Variants in NALF1 observed in about 807,000 individuals in gnomAD.
NALF1 encodes family with sequence similarity 155 member A.
Under a neutral mutation model 48.4 loss-of-function variants are expected in NALF1, and 3 were observed. The ratio of observed to expected loss-of-function variants is 0.06; its 90% CI spans 0.03 to 0.16. The LOEUF is 0.16. Among genes scored for constraint, NALF1 ranks in the 10% least tolerant of loss-of-function variants. The pLI is 1.00. For synonymous variants in NALF1, 262 were observed against 245.7 expected, an observed-to-expected ratio of 1.07 and a Z score of -0.62; for missense variants, 526 against 571.5, an observed-to-expected ratio of 0.92 and a Z score of 0.81.
intron 1 of NALF1, among the ~76,000 whole-genome samples, chr13:107,847,553 C>T (rs557794155): frequency 6.6e-6 from 1 of 152,314 alleles, no homozygotes; most frequent in East Asian, 1.9e-4. Flanking sequence ...AACATTCCCC[C>T]TTGCTGGCTT....
At chr13:107,231,058 C>CA (rs3072074) in intron 1 of NALF1, among the ~76,000 whole-genome samples, 3,592 of 82,490 alleles carry the variant, frequency 0.044, 67 homozygotes, top group Non-Finnish European at 0.054. Flanking sequence ...AAGACCCGGC[C>CA]AAAAAAAAAA....
intron 1 of NALF1, among the ~76,000 whole-genome samples, chr13:107,240,815 T>G (rs188403142): frequency 6.6e-6 from 1 of 152,210 alleles, no homozygotes; most frequent in African/African-American, 2.4e-5. Flanking sequence ...TCACCTTTTT[T>G]TTTTAAGACT....
intron 1 of NALF1, among the ~76,000 whole-genome samples, chr13:107,807,609 T>A (rs1372931407): frequency 6.6e-6 from 1 of 152,180 alleles, no homozygotes; most frequent in African/African-American, 2.4e-5. Flanking sequence ...CTCAAAATAT[T>A]TCAATGTGGT....
chr13:107,607,534 T>C (rs1336491266), intron 1 of NALF1, among the ~76,000 whole-genome samples: 1 of 152,186 alleles, frequency 6.6e-6, no homozygotes, highest in East Asian at 1.9e-4. Context: ...TTGTTGTTGT[T>C]TTTCCTTGTA....
chr13:107,551,567 A>G (rs1877294634), intron 1 of NALF1, among the ~76,000 whole-genome samples: 1 of 152,078 alleles, frequency 6.6e-6, no homozygotes, highest in Non-Finnish European at 1.5e-5. Flanking sequence ...TAAAGTTATC[A>G]TTTCTTGTGC....
At chr13:107,790,334 T>C (rs1488871619) in intron 1 of NALF1, among the ~76,000 whole-genome samples, 1 of 152,184 alleles carries the variant, frequency 6.6e-6, no homozygotes, top group East Asian at 1.9e-4. Flanking sequence ...AATTAACTCT[T>C]AAATAGGCAA....
intron 1 of NALF1, among the ~76,000 whole-genome samples, chr13:107,791,258 G>A (rs1878222663): frequency 1.3e-5 from 2 of 152,032 alleles, no homozygotes. Context: ...GCTTAAAATG[G>A]CTATGCTGTT....
chr13:107,586,912 A>G (rs1878476357), intron 1 of NALF1, among the ~76,000 whole-genome samples: 1 of 152,080 alleles, frequency 6.6e-6, no homozygotes, highest in Non-Finnish European at 1.5e-5. Flanking sequence ...TAGATTTACC[A>G]TGATTAATCT....
At chr13:107,855,222 CA>C (rs145173555) in intron 1 of NALF1, among the ~76,000 whole-genome samples, 2,246 of 152,326 alleles carry the variant, frequency 0.015, 21 homozygotes, top group African/African-American at 0.034. Flanking sequence ...CCCTGGGAAT[CA>C]AGGCCTCTCT....
At chr13:107,621,782 G>A in intron 1 of NALF1, among the ~76,000 whole-genome samples, 1 of 152,130 alleles carries the variant, frequency 6.6e-6, no homozygotes, top group South Asian at 2.1e-4. Context: ...AAGACCTAGA[G>A]GAGGCTGTGG....
intron 1 of NALF1, among the ~76,000 whole-genome samples, chr13:107,773,397 A>C (rs1316144584): frequency 6.6e-6 from 1 of 152,194 alleles, no homozygotes; most frequent in Non-Finnish European, 1.5e-5. Flanking sequence ...CTTTGTTTAA[A>C]GCTAATATAT....
chr13:107,514,833 G>T (rs1876008539), intron 1 of NALF1, among the ~76,000 whole-genome samples: 1 of 152,230 alleles, frequency 6.6e-6, no homozygotes, highest in Non-Finnish European at 1.5e-5. Context: ...TCATTGCATA[G>T]ATGACAGGAT....
At chr13:107,808,222 T>G (rs1878868068) in intron 1 of NALF1, among the ~76,000 whole-genome samples, 1 of 152,074 alleles carries the variant, frequency 6.6e-6, no homozygotes, top group Non-Finnish European at 1.5e-5. Context: ...TTGCAGAGTC[T>G]TTTGTGGCAG....
intron 1 of NALF1, among the ~76,000 whole-genome samples, chr13:107,539,805 A>G (rs1292134791): frequency 6.6e-6 from 1 of 152,112 alleles, no homozygotes; most frequent in African/African-American, 2.4e-5. Context: ...TGTCTAAATC[A>G]TAATTGGTGA....
intron 1 of NALF1, among the ~76,000 whole-genome samples, chr13:107,743,571 A>G (rs1474071057): frequency 6.6e-6 from 1 of 152,220 alleles, no homozygotes; most frequent in Non-Finnish European, 1.5e-5. Context: ...AACATGCATT[A>G]TATACACAAC....
intron 1 of NALF1, among the ~76,000 whole-genome samples, chr13:107,581,492 A>G (rs1365827180): frequency 6.6e-6 from 1 of 152,208 alleles, no homozygotes; most frequent in African/African-American, 2.4e-5. Context: ...TAAACTTCCA[A>G]AATCAATGGT....
At chr13:107,757,415 C>CTTT (rs3074821) in intron 1 of NALF1, among the ~76,000 whole-genome samples, 13,795 of 107,664 alleles carry the variant, frequency 0.13, 863 homozygotes, top group East Asian at 0.18. Context: ...GCCCTCATTT[C>CTTT]TTTTTTTTTT....
intron 1 of NALF1, among the ~76,000 whole-genome samples, chr13:107,616,404 C>T (rs1022706341): frequency 6.6e-6 from 1 of 152,134 alleles, no homozygotes; most frequent in African/African-American, 2.4e-5. Context: ...TTAACAAAGT[C>T]TAAGTGTTTG....
intron 1 of NALF1, among the ~76,000 whole-genome samples, chr13:107,237,159 A>G (rs971509564): frequency 2.0e-5 from 3 of 151,462 alleles, no homozygotes; most frequent in Admixed American, 2.0e-4. Context: ...CGTAATTTAT[A>G]TATCATAAAT....
Sources: allele counts gnomAD v4.1 joint callset (sites outside exome capture counted in the v4.1 genomes callset), GRCh38; gene constraint gnomAD v4.1.1; transcripts MANE v1.5; gene names NCBI Gene and HGNC (gene_info 2026-07-23, HGNC 2026-07-21).